MAPKAPK5: variants seen among roughly 807,000 people sequenced by gnomAD.
MAPKAPK5 encodes the protein MAPK activated protein kinase 5.
Under a neutral mutation model 65.1 loss-of-function variants are expected in MAPKAPK5, and 30 were observed. The ratio of observed to expected loss-of-function variants is 0.46; its 90% CI spans 0.34 to 0.63. MAPKAPK5 has a LOEUF of 0.63. Ranked by LOEUF, MAPKAPK5 falls within the 20% of genes least tolerant of loss-of-function variation. The pLI is 0.01. For synonymous variants in MAPKAPK5, 179 were observed against 204.6 expected, an observed-to-expected ratio of 0.87 and a Z score of 1.07; for missense variants, 433 against 581.4, an observed-to-expected ratio of 0.74 and a Z score of 2.63.
chr12:111,886,105 G>T (rs540997309), intron 10 of MAPKAPK5, 69 bp downstream of exon 10: 8 of 1,610,400 alleles, frequency 5.0e-6, no homozygotes, highest in East Asian at 2.2e-5. Flanking sequence ...GCTTGGCTCA[G>T]TGAGGGGTTA....
chr12:111,843,517 T>C (rs1485149593), intron 1 of MAPKAPK5: 1 of 365,212 alleles, frequency 2.7e-6, no homozygotes, highest in African/African-American at 2.1e-5. Context: ...ATTAGTCTTA[T>C]GAAAATTAAA....
In MAPKAPK5 at chr12:111,901,016, T is replaced by C. The variant is rs532055887; in HGVS notation, c.*7955T>C. The C allele has an allele frequency of 1.2e-4, 54 of 456,084 alleles. No individual in the cohort carries two copies. Among genetic ancestry groups the C allele is most frequent in the African/African-American group, 9.8e-4 (49 of 50,186 alleles). 28.3% of individuals were successfully genotyped at this position (456,084 alleles called of 1,614,324 possible). On this transcript the variant is annotated 3_prime_UTR_variant, in exon 14 of 14. Coordinates refer to ENST00000550735, the MANE Select transcript of MAPKAPK5 (RefSeq NM_003668.4). ...GGTCACAATATGTTCGGTGTTCAGA[T>C]GGTAATATATTTTGTGGGAAACTTA...
At chr12:111,856,785 GTTAT>G (rs767964190) in intron 1 of MAPKAPK5, among the ~76,000 whole-genome samples, 22 of 152,088 alleles carry the variant, frequency 1.4e-4, no homozygotes, top group Non-Finnish European at 2.6e-4. Flanking sequence ...CAGTGTTGTA[GTTAT>G]TTGTTTATGC....
chr12:111,871,249 C>T, intron 7 of MAPKAPK5, 69 bp downstream of exon 7: 2 of 1,291,190 alleles, frequency 1.5e-6, no homozygotes, highest in Non-Finnish European at 2.2e-6. Flanking sequence ...TCCTTCTATT[C>T]TACAGCACAA....
chr12:111,873,956 G>A (rs1376253786), intron 7 of MAPKAPK5, among the ~76,000 whole-genome samples: 2 of 152,222 alleles, frequency 1.3e-5, no homozygotes, highest in East Asian at 1.9e-4. Flanking sequence ...TCTCCCAATC[G>A]ATGAACAAGG....
rs1484886062 is a variant in MAPKAPK5 at position 111,900,237 on chromosome 12, G to A, written c.*7176G>A. On this transcript the variant is annotated 3_prime_UTR_variant, in exon 14 of 14. Transcript: ENST00000550735. ...ACACGATGTTGCCCACATGATCGTT[G>A]GGCATCACCCTGGACAGAATATGGG... is the stretch of plus-strand genomic sequence containing the variant. 1 of 455,940 alleles carries A rather than the reference G, an allele frequency of 2.2e-6. No homozygotes were observed. Among genetic ancestry groups the A allele is most frequent in the Non-Finnish European group, 4.4e-6 (1 of 226,786 alleles). The allele number at this position is 455,940 out of a possible 1,614,324, so 28.2% of individuals were successfully genotyped here.
At chr12:111,852,070 GA>G (rs1243401225) in intron 1 of MAPKAPK5, among the ~76,000 whole-genome samples, 1 of 152,196 alleles carries the variant, frequency 6.6e-6, no homozygotes, top group African/African-American at 2.4e-5. Context: ...CAATTTGCCA[GA>G]AGGGTTCCAA....
chr12:111,843,082 A>G (rs372762413), intron 1 of MAPKAPK5: 11 of 398,404 alleles, frequency 2.8e-5, no homozygotes, highest in African/African-American at 2.1e-4. Context: ...CTACTACTAC[A>G]CGTTTCGATC....
chr12:111,891,460 C>A (rs1168159882), intron 13 of MAPKAPK5, among the ~76,000 whole-genome samples: 2 of 151,596 alleles, frequency 1.3e-5, no homozygotes, highest in Non-Finnish European at 2.9e-5. Context: ...TGGCCATTCC[C>A]ATTCTTGGAG....
At chr12:111,889,973 ATC>A in intron 12 of MAPKAPK5, 65 bp from the exon 13 acceptor site, 1 of 968,610 alleles carries the variant, frequency 1.0e-6, no homozygotes, top group Non-Finnish European at 1.6e-6. Flanking sequence ...ACGTCCCTCC[ATC>A]TCTCACACTA....
At chr12:111,882,747 A>C (rs2070278537) in intron 8 of MAPKAPK5, 1 of 948,826 alleles carries the variant, frequency 1.1e-6, no homozygotes, top group South Asian at 4.9e-5. Flanking sequence ...TGAGTCCTTC[A>C]TGGTCAAAGG....
At chr12:111,861,648 ATCT>A (rs775885128) in intron 1 of MAPKAPK5, among the ~76,000 whole-genome samples, 2 of 152,192 alleles carry the variant, frequency 1.3e-5, no homozygotes, top group African/African-American at 2.4e-5. Flanking sequence ...CTTTAAAAAA[ATCT>A]TCTCAGGCGA....
At chr12:111,852,829 A>G (rs59317430) in intron 1 of MAPKAPK5, among the ~76,000 whole-genome samples, 275 of 152,156 alleles carry the variant, frequency 1.8e-3, no homozygotes, top group African/African-American at 6.1e-3. Flanking sequence ...GCTTAAGTGC[A>G]GTAGTGCAAT....
At chr12:111,888,452 T>C in intron 10 of MAPKAPK5, 36 bp from the exon 11 acceptor site, 2 of 1,609,662 alleles carry the variant, frequency 1.2e-6, no homozygotes, top group Non-Finnish European at 1.7e-6. Context: ...TGCCCAGCAA[T>C]GAATATGAAA....
intron 1 of MAPKAPK5, among the ~76,000 whole-genome samples, chr12:111,852,278 C>A (rs2069109057): frequency 6.6e-6 from 1 of 152,132 alleles, no homozygotes; most frequent in Non-Finnish European, 1.5e-5. Flanking sequence ...GCCTGCCTCT[C>A]CTGCCTTCCT....
chr12:111,884,341 G>A (rs1031762405), intron 9 of MAPKAPK5, among the ~76,000 whole-genome samples: 1 of 152,220 alleles, frequency 6.6e-6, no homozygotes, highest in African/African-American at 2.4e-5. Context: ...CTCGGCAGTA[G>A]CTGGGATTAC....
At position 111,901,529 on chromosome 12, in the gene MAPKAPK5, T is replaced by C. The variant is rs558612614; in HGVS notation, c.*8468T>C. ...TATTAAGTACAATTATTTGATCTGC[T>C]TGCTTAAAAAATCACCAGAGGCTGC... is the stretch of plus-strand genomic sequence containing the variant. On this transcript the variant is annotated 3_prime_UTR_variant, in exon 14 of 14. Transcript: ENST00000550735. The C allele has an allele frequency of 2.0e-4, 74 of 363,298 alleles. No individual in the cohort carries two copies. The highest frequency in any genetic ancestry group is 6.5e-4 in the South Asian group (29 of 44,940). The allele number at this position is 363,298 out of a possible 1,614,324, so 22.5% of individuals were successfully genotyped here. A position where few individuals can be genotyped will look rare whatever the true frequency, so the allele number is the denominator to read the frequency against.
chr12:111,888,560 A>G lies in MAPKAPK5; in HGVS notation c.1042A>G (p.Ser348Gly). 6.2e-7 allele frequency: 1 copy of G among 1,614,022 alleles called. No homozygotes were observed. The highest frequency in any genetic ancestry group is 8.5e-7 in the Non-Finnish European group (1 of 1,179,884). ...CATGAGAATCCAGGATCTGAAAGTC[A>G]GCCTCAAACCCCTGCACTCAGTGAA... The part of the protein sequence containing the change: ...ANMRIQDLKV[S>G]LKPLHSVNNP... The change falls in exon 11 of 14, where the codon AGC becomes GGC. Residue 348 changes from serine to glycine, a missense_variant. By Grantham distance (56) the Ser-to-Gly change is moderately conservative (BLOSUM62 0). Around this residue, in one of 3 missense-constraint regions of MAPKAPK5, gnomAD observed 169 missense variants for 215.6 expected, o/e 0.78. Transcript: ENST00000550735.
intron 4 of MAPKAPK5, among the ~76,000 whole-genome samples, chr12:111,868,531 G>C (rs912373582): frequency 1.3e-5 from 2 of 152,064 alleles, no homozygotes; most frequent in Non-Finnish European, 2.9e-5. Context: ...ATGGAAGCTG[G>C]AAGCATATAT....
Sources: allele counts gnomAD v4.1 joint callset (sites outside exome capture counted in the v4.1 genomes callset), GRCh38; gene constraint gnomAD v4.1.1; regional missense constraint gnomAD v4.1.1; transcripts MANE v1.5; gene names NCBI Gene and HGNC (gene_info 2026-07-23, HGNC 2026-07-21).